The following HEXD variants were observed in gnomAD, a reference collection of about 807,000 sequenced individuals.
The protein encoded by HEXD is N-acetyl-beta-galactosaminidase.
HEXD carries 47 observed loss-of-function variants against 54.2 expected under a neutral mutation model. The ratio of observed to expected loss-of-function variants is 0.87; its 90% CI spans 0.69 to 1.11. HEXD has a LOEUF of 1.11. Among genes scored for constraint, HEXD ranks in the 50% least tolerant of loss-of-function variants. The pLI is 0.00. For synonymous variants in HEXD, 293 were observed against 287.6 expected (o/e 1.02, Z -0.19); for missense variants, 576 against 649.2 (o/e 0.89, Z 1.23).
At chr17:82,421,731 CAGG>C (rs2053240394) in intron 2 of HEXD, among the ~76,000 whole-genome samples, 1 of 152,104 alleles carries the variant, frequency 6.6e-6, no homozygotes, top group African/African-American at 2.4e-5. Context: ...GAGTCTGAAG[CAGG>C]AGAATTGCTT....
intron 5 of HEXD, 124 bp downstream of exon 5, chr17:82,433,946 C>T: frequency 1.1e-6 from 1 of 884,670 alleles, no homozygotes; most frequent in South Asian, 1.9e-5. Context: ...TCAGGGCACC[C>T]CATCCAACAT....
chr17:82,430,700 C>T (rs1353228048), intron 4 of HEXD, among the ~76,000 whole-genome samples: 1 of 152,106 alleles, frequency 6.6e-6, no homozygotes, highest in Non-Finnish European at 1.5e-5. Flanking sequence ...AGTATACCCT[C>T]TTGGTATACT....
chr17:82,421,723 G>A (rs999423577), intron 2 of HEXD, among the ~76,000 whole-genome samples: 3 of 152,194 alleles, frequency 2.0e-5, no homozygotes, highest in African/African-American at 7.2e-5. Flanking sequence ...CTACTTGGGA[G>A]TCTGAAGCAG....
intron 4 of HEXD, among the ~76,000 whole-genome samples, chr17:82,430,880 C>G (rs559672349): frequency 3.9e-5 from 6 of 151,984 alleles, no homozygotes; most frequent in African/African-American, 1.2e-4. Flanking sequence ...TTGTGATCAC[C>G]AGATCACAAA....
At chr17:82,440,208 G>A in intron 9 of HEXD, 1 of 1,289,768 alleles carries the variant, frequency 7.8e-7, no homozygotes, top group Non-Finnish European at 1.0e-6. Context: ...GGAGCTGTGT[G>A]TGTGGAAACT....
intron 7 of HEXD, 182 bp downstream of exon 7, chr17:82,436,920 C>T: frequency 1.6e-6 from 1 of 631,868 alleles, no homozygotes. Context: ...ACCGGTGCCT[C>T]ACCTCCCTCC....
chr17:82,436,757 G>T lies in HEXD; in HGVS notation c.703+19G>T, dbSNP rs1388894554. On this transcript the variant is annotated intron_variant, in intron 7 of 12. Coordinates refer to ENST00000327949, the MANE Select transcript of HEXD (RefSeq NM_001330542.2). ...GGCAAGGGTCAGTGCCAAGTTGTGGGGGGTGTGTTGTCCTGGCCATGTGCC... is the reference window on the plus strand; with the variant it reads ...GGCAAGGGTCAGTGCCAAGTTGTGGTGGGTGTGTTGTCCTGGCCATGTGCC... 6.2e-7 allele frequency: 1 copy of T among 1,606,308 alleles called. No individual in the cohort carries two copies. Among genetic ancestry groups the T allele is most frequent in the Non-Finnish European group, 8.5e-7 (1 of 1,176,188 alleles).
At chr17:82,439,570 G>A (rs1002905852) in intron 8 of HEXD, 61 bp from the exon 9 acceptor site, 2 of 1,499,698 alleles carry the variant, frequency 1.3e-6, no homozygotes, top group African/African-American at 2.8e-5. Flanking sequence ...CGAAGTCAGG[G>A]CGCCTGCGTC....
At chr17:82,425,162 AAGGCTGGAGG>A (rs1179896264) in intron 3 of HEXD, among the ~76,000 whole-genome samples, 76 of 101,080 alleles carry the variant, frequency 7.5e-4, no homozygotes, top group South Asian at 8.6e-4. Context: ...GAGGCTAGAG[AAGGCTGGAGG>A]AGGCTGGAGG....
chr17:82,438,700 A>G (rs1490066136), intron 8 of HEXD, among the ~76,000 whole-genome samples: 1 of 152,250 alleles, frequency 6.6e-6, no homozygotes, highest in Non-Finnish European at 1.5e-5. Context: ...CCTCACCCAC[A>G]AAGCTCAGAT....
At chr17:82,424,644 C>G in intron 3 of HEXD, 141 bp downstream of exon 3, 1 of 580,028 alleles carries the variant, frequency 1.7e-6, no homozygotes, top group South Asian at 2.0e-5. Flanking sequence ...CCTTTTTTGT[C>G]TTTTTAAATT....
At chr17:82,429,153 G>A (rs570421527) in intron 4 of HEXD, among the ~76,000 whole-genome samples, 5 of 152,174 alleles carry the variant, frequency 3.3e-5, no homozygotes, top group South Asian at 2.1e-4. Context: ...CCAGCTGCTC[G>A]GGAGGCTGGG....
At chr17:82,441,652 A>C (rs1318670222) in intron 11 of HEXD, 148 bp from the exon 12 acceptor site, 13 of 720,438 alleles carry the variant, frequency 1.8e-5, no homozygotes, top group East Asian at 5.1e-5. Context: ...GCACAGGAGG[A>C]GGCAGCCTCA....
intron 3 of HEXD, among the ~76,000 whole-genome samples, chr17:82,427,563 A>G (rs1429825350): frequency 6.6e-6 from 1 of 152,142 alleles, no homozygotes; most frequent in Non-Finnish European, 1.5e-5. Context: ...TGAGATGATC[A>G]AGTGCGATGA....
At chr17:82,430,428 T>C (rs2053542931) in intron 4 of HEXD, among the ~76,000 whole-genome samples, 1 of 152,202 alleles carries the variant, frequency 6.6e-6, no homozygotes, top group Admixed American at 6.5e-5. Context: ...TCACTCTGTT[T>C]CCCAGGCTGG....
rs370497794 is a variant in HEXD at position 82,433,631 on chromosome 17, A to G, written c.283-27A>G. On this transcript the variant is annotated intron_variant, in intron 4 of 12. Coordinates refer to ENST00000327949, the MANE Select transcript of HEXD (RefSeq NM_001330542.2). ...AGATCAGTCCAGCTCCTCCGCCCCC[A>G]ACGCGAACTTCTCTGTCTCTCCGCA... 6 of 1,524,632 alleles carry G rather than the reference A, an allele frequency of 3.9e-6. No homozygotes were observed. The African/African-American group carries it at 8.6e-5, about 22-fold the overall frequency. The allele number at this position is 1,524,632 out of a possible 1,614,324, so 94.4% of individuals were successfully genotyped here.
rs938010494 is a variant in HEXD at position 82,419,645 on chromosome 17, T to A, written c.-51-104T>A. The A allele has an allele frequency of 2.1e-5, 11 of 522,208 alleles. No homozygotes were observed. In the African/African-American group the frequency reaches 2.2e-4, roughly 10 times the overall value. 32.3% of individuals were successfully genotyped at this position (522,208 alleles called of 1,614,324 possible). On this transcript the variant is annotated intron_variant, in intron 1 of 12. Coordinates refer to ENST00000327949, the MANE Select transcript of HEXD (RefSeq NM_001330542.2). ...GCAAAATGAGTTTCCTCCAAGTTAA[T>A]CTATCAAAACTGGCCAGTATCAGAA...
intron 8 of HEXD, among the ~76,000 whole-genome samples, chr17:82,439,061 A>G (rs2053853088): frequency 6.6e-6 from 1 of 152,142 alleles, no homozygotes; most frequent in South Asian, 2.1e-4. Flanking sequence ...GAGGCACCCT[A>G]CCCAGCAGTG....
intron 4 of HEXD, among the ~76,000 whole-genome samples, chr17:82,433,126 A>AT (rs1383900967): frequency 8.1e-3 from 110 of 13,534 alleles, no homozygotes; most frequent in African/African-American, 0.01. Flanking sequence ...ATATATATAT[A>AT]TATTTTTTTT....
Sources: gnomAD v4.1 joint callset for allele counts (sites outside exome capture counted in the v4.1 genomes callset) on GRCh38, gnomAD v4.1.1 for gene constraint, MANE v1.5 for transcripts, NCBI Gene and HGNC (gene_info 2026-07-23, HGNC 2026-07-21) for gene names.